The following EVL variants were observed in gnomAD, a reference collection of about 807,000 sequenced individuals.
EVL encodes Enah/Vasp-like.
Under a neutral mutation model 59.6 loss-of-function variants are expected in EVL, and 21 were observed. The observed-to-expected ratio is 0.35, with a 90% CI of 0.25 to 0.51. The LOEUF is 0.51. Ranked by LOEUF, EVL falls within the 20% of genes least tolerant of loss-of-function variation. The pLI, the probability that EVL is intolerant of heterozygous loss-of-function variation, is 0.97. For synonymous variants in EVL, 198 were observed against 203.5 expected, an observed-to-expected ratio of 0.97 and a Z score of 0.23; for missense variants, 462 against 546.6, an observed-to-expected ratio of 0.85 and a Z score of 1.54.
chr14:100,091,902 A>G (rs372642656), intron 2 of EVL, among the ~76,000 whole-genome samples: 1 of 152,152 alleles, frequency 6.6e-6, no homozygotes, highest in Non-Finnish European at 1.5e-5. Flanking sequence ...CTTGACGTCT[A>G]CTTGAGAATC....
chr14:100,065,074 G>A (rs2061902588), upstream of EVL, among the ~76,000 whole-genome samples: 1 of 149,654 alleles, frequency 6.7e-6, no homozygotes, highest in African/African-American at 2.5e-5. Flanking sequence ...ATGGAAAACT[G>A]AAGCTCAGAC....
intron 1 of EVL, among the ~76,000 whole-genome samples, chr14:99,976,540 G>T (rs537672602): frequency 1.3e-5 from 2 of 151,672 alleles, no homozygotes; most frequent in African/African-American, 4.9e-5. Context: ...TATGTGCCTA[G>T]TGTTTTTTTT....
intron 2 of EVL, among the ~76,000 whole-genome samples, chr14:100,095,675 T>C (rs1412338349): frequency 6.6e-6 from 1 of 152,208 alleles, no homozygotes; most frequent in Non-Finnish European, 1.5e-5. Flanking sequence ...GGCCAAAATA[T>C]GTGCCTGTCA....
chr14:100,045,825 G>A (rs1475891419), intron 1 of EVL, among the ~76,000 whole-genome samples: 3 of 152,180 alleles, frequency 2.0e-5, no homozygotes, highest in African/African-American at 4.8e-5. Context: ...ATGAATTATG[G>A]AATGAATCAA....
At chr14:100,018,124 A>G (rs1179205706) in intron 1 of EVL, among the ~76,000 whole-genome samples, 3 of 152,250 alleles carry the variant, frequency 2.0e-5, no homozygotes, top group African/African-American at 7.2e-5. Context: ...CCTGTCCTCA[A>G]GGAACTCTTA....
chr14:100,040,024 C>T (rs141193641), intron 1 of EVL, among the ~76,000 whole-genome samples: 175 of 152,248 alleles, frequency 1.1e-3, no homozygotes, highest in African/African-American at 3.9e-3. Context: ...AAGGGATCCT[C>T]CTGCCTTGAC....
intron 1 of EVL, among the ~76,000 whole-genome samples, chr14:100,025,346 C>G (rs569347977): frequency 6.6e-6 from 1 of 152,242 alleles, no homozygotes; most frequent in South Asian, 2.1e-4. Context: ...ACACACCAGG[C>G]TGCCTCCTCC....
At chr14:100,087,352 G>A (rs189407549) in intron 2 of EVL, among the ~76,000 whole-genome samples, 6 of 152,188 alleles carry the variant, frequency 3.9e-5, no homozygotes, top group African/African-American at 1.4e-4. Context: ...AGTGGCTCAT[G>A]CCTGTAATCC....
chr14:100,023,388 T>TC (rs2140205964), intron 1 of EVL, among the ~76,000 whole-genome samples: 1 of 147,008 alleles, frequency 6.8e-6, no homozygotes, highest in East Asian at 2.0e-4. Flanking sequence ...TTTTTTTTTT[T>TC]TTTTTTTTGA....
intron 1 of EVL, among the ~76,000 whole-genome samples, chr14:99,987,646 TAAAC>T (rs754045252): frequency 8.0e-4 from 121 of 152,156 alleles, no homozygotes; most frequent in East Asian, 1.2e-3. Context: ...CTATCTCAAG[TAAAC>T]AAACAAACAA....
intron 1 of EVL, among the ~76,000 whole-genome samples, chr14:100,074,343 T>A (rs2062116059): frequency 6.6e-6 from 1 of 152,342 alleles, no homozygotes; most frequent in South Asian, 2.1e-4. Context: ...CTCATATGGA[T>A]TTGCTGTTCA....
intron 1 of EVL, among the ~76,000 whole-genome samples, chr14:100,025,007 G>T (rs2061187363): frequency 6.6e-6 from 1 of 151,960 alleles, no homozygotes; most frequent in African/African-American, 2.4e-5. Flanking sequence ...CTTCCTACTG[G>T]CTCTACTACC....
intron 2 of EVL, among the ~76,000 whole-genome samples, chr14:100,095,342 C>T (rs1252250641): frequency 6.6e-6 from 1 of 152,206 alleles, no homozygotes; most frequent in Non-Finnish European, 1.5e-5. Context: ...GAACACAGAA[C>T]TTCTGATAGG....
Position 99,996,399 on chromosome 14 carries a change from A to C in EVL, c.5+24342A>C, listed in dbSNP as rs567437974. Among the ~76,000 whole-genome samples the C allele has an allele frequency of 4.6e-5, 7 of 152,250 alleles. No homozygotes were observed. In the South Asian group the frequency reaches 1.5e-3, roughly 32 times the overall value. On this transcript the variant is annotated intron_variant, in intron 1 of 13. Transcript: ENST00000402714. ...TTCCTGTGCTCTCTCTTTTGGAGTC[A>C]ACCTTCTCTGGGAACTAATTTAATC... is the stretch of plus-strand genomic sequence containing the variant.
intron 2 of EVL, among the ~76,000 whole-genome samples, chr14:100,088,629 C>T (rs780951524): frequency 2.6e-5 from 4 of 152,160 alleles, no homozygotes; most frequent in East Asian, 3.9e-4. Flanking sequence ...GTAAAAATAC[C>T]GTACTATAGT....
Position 100,119,584 on chromosome 14 carries a change from C to T in EVL, c.359-3955C>T, listed in dbSNP as rs1887567347. On this transcript the variant is annotated intron_variant, in intron 3 of 13. Transcript: ENST00000392920. ...CTTGGGGGGCAGAGGGCCACTTAAG[C>T]CAGCACATAGGCAGGTTCCCGTCCA... is the stretch of plus-strand genomic sequence containing the variant. Among the ~76,000 whole-genome samples the T allele has an allele frequency of 2.6e-5, 4 of 152,230 alleles. No individual in the cohort carries two copies. In the South Asian group the frequency reaches 6.2e-4, roughly 24 times the overall value.
At chr14:100,135,553 G>C (rs1447893053) in intron 8 of EVL, 2 of 281,978 alleles carry the variant, frequency 7.1e-6, no homozygotes, top group Non-Finnish European at 1.4e-5. Context: ...GAGCAGGCCA[G>C]TCCACGGGGT....
intron 3 of EVL, among the ~76,000 whole-genome samples, chr14:100,102,625 T>G (rs1886293683): frequency 6.6e-6 from 1 of 152,178 alleles, no homozygotes; most frequent in Admixed American, 6.5e-5. Flanking sequence ...AAGGGAGAGC[T>G]AGCAGCTAAG....
At chr14:100,023,217 T>C (rs2061155763) in intron 1 of EVL, among the ~76,000 whole-genome samples, 1 of 151,448 alleles carries the variant, frequency 6.6e-6, no homozygotes, top group African/African-American at 2.4e-5. Flanking sequence ...TTAATTTTTT[T>C]TTTTTGGAAC....
Sources: allele counts gnomAD v4.1 joint callset (sites outside exome capture counted in the v4.1 genomes callset), GRCh38; gene constraint gnomAD v4.1.1; transcripts MANE v1.5; gene names NCBI Gene and HGNC (gene_info 2026-07-23, HGNC 2026-07-21).